UNC5D: variants seen among roughly 807,000 people sequenced by gnomAD.
UNC5D encodes the protein netrin receptor UNC5D.
UNC5D carries 39 observed loss-of-function variants against 105.4 expected under a neutral mutation model. The ratio of observed to expected loss-of-function variants is 0.37; its 90% confidence interval spans 0.29 to 0.48. The LOEUF is 0.48. Ranked by LOEUF, UNC5D falls within the 20% of genes least tolerant of loss-of-function variation. The pLI is 0.98. For missense variants in UNC5D, 991 were observed against 1,202.4 expected (o/e 0.82, Z 2.60); for synonymous variants, 452 against 450.4 (o/e 1.00, Z -0.04).
intron 1 of UNC5D, among the ~76,000 whole-genome samples, chr8:35,391,882 G>A (rs978838414): frequency 6.6e-6 from 1 of 152,128 alleles, no homozygotes; most frequent in Non-Finnish European, 1.5e-5. Flanking sequence ...GTAACCTATT[G>A]TACTTGGTTT....
chr8:35,440,444 T>G (rs1257149545), intron 1 of UNC5D, among the ~76,000 whole-genome samples: 1 of 152,102 alleles, frequency 6.6e-6, no homozygotes, highest in African/African-American at 2.4e-5. Flanking sequence ...TAAGCTTTTT[T>G]GTTCTCTGTT....
chr8:35,608,760 A>T (rs549164599), intron 4 of UNC5D, among the ~76,000 whole-genome samples: 3 of 151,986 alleles, frequency 2.0e-5, no homozygotes, highest in Admixed American at 6.6e-5. Context: ...CATGATTTCA[A>T]TTTTTATAGC....
intron 11 of UNC5D, among the ~76,000 whole-genome samples, chr8:35,742,471 C>A (rs924536054): frequency 6.6e-6 from 1 of 152,110 alleles, no homozygotes; most frequent in African/African-American, 2.4e-5. Context: ...TATGTATCGA[C>A]CCAGGGTCTG....
Position 35,472,756 on chromosome 8 carries a change from T to G in UNC5D, c.104-76536T>G, listed in dbSNP as rs541453834. 2.6e-5 allele frequency among the ~76,000 whole-genome samples: 4 copies of G among 152,264 alleles called. No individual in the cohort carries two copies. The East Asian group carries it at 7.7e-4, about 29-fold the overall frequency. On this transcript the variant is annotated intron_variant, in intron 1 of 16. Coordinates refer to ENST00000404895, the MANE Select transcript of UNC5D (RefSeq NM_080872.4). The stretch of plus-strand genomic sequence containing the variant: ...GAGTTACTTAAAACCATAGAAGTAT[T>G]TAGTTGCCAGGATGAATAAAGAATG...
At chr8:35,404,704 C>T (rs925602767) in intron 1 of UNC5D, among the ~76,000 whole-genome samples, 26 of 152,248 alleles carry the variant, frequency 1.7e-4, no homozygotes, top group African/African-American at 6.0e-4. Flanking sequence ...TCTCCTGCCT[C>T]AGCCTCCCGA....
rs1802998222 is a variant in UNC5D, at chr8:35,790,665, C to T, written c.*102C>T. The T allele has an allele frequency of 7.7e-7, 1 of 1,306,234 alleles. No individual in the cohort carries two copies. Among genetic ancestry groups the T allele is most frequent in the East Asian group, 2.4e-5 (1 of 41,178 alleles). 80.9% of individuals were successfully genotyped at this position (1,306,234 alleles called of 1,614,324 possible). A position where few individuals can be genotyped will look rare whatever the true frequency, so the allele number is the denominator to read the frequency against. On this transcript the variant is annotated 3_prime_UTR_variant, in exon 17 of 17. Transcript: ENST00000404895. ...CCCAGTGGCGTTGGGGGAATTCAGC[C>T]TTCATTTATAATCAGTGAGATTCCC...
intron 1 of UNC5D, among the ~76,000 whole-genome samples, chr8:35,393,790 A>C (rs1438539025): frequency 6.6e-6 from 1 of 152,212 alleles, no homozygotes; most frequent in Non-Finnish European, 1.5e-5. Flanking sequence ...GCCATAGAAG[A>C]TATGTGGCTC....
At chr8:35,568,416 C>T (rs1817504144) in intron 3 of UNC5D, among the ~76,000 whole-genome samples, 175 bp downstream of exon 3, 1 of 152,246 alleles carries the variant, frequency 6.6e-6, no homozygotes. Context: ...AGGCGTGGCA[C>T]AGTGGCTCAC....
intron 1 of UNC5D, among the ~76,000 whole-genome samples, chr8:35,442,892 TCTCTCTCTCTCTCACA>T (rs1312236081): frequency 1.5e-5 from 2 of 132,894 alleles, no homozygotes; most frequent in African/African-American, 6.4e-5. Flanking sequence ...TGTTTCTCTC[TCTCTCTCTCTCTCACA>T]CACACACACA....
intron 11 of UNC5D, among the ~76,000 whole-genome samples, chr8:35,744,251 G>T (rs1477978454): frequency 6.6e-6 from 1 of 152,144 alleles, no homozygotes; most frequent in Non-Finnish European, 1.5e-5. Flanking sequence ...TATATTCTGT[G>T]GATCCATCCC....
intron 3 of UNC5D, among the ~76,000 whole-genome samples, chr8:35,591,308 A>C (rs1347710649): frequency 6.6e-6 from 1 of 152,136 alleles, no homozygotes; most frequent in Non-Finnish European, 1.5e-5. Context: ...CTGATACATA[A>C]AAAATATAGG....
chr8:35,743,107 A>T (rs1214019599), intron 11 of UNC5D, among the ~76,000 whole-genome samples: 1 of 152,190 alleles, frequency 6.6e-6, no homozygotes, highest in East Asian at 1.9e-4. Context: ...TAGACAGGTC[A>T]TCAAGACAGA....
intron 1 of UNC5D, among the ~76,000 whole-genome samples, chr8:35,462,238 T>C (rs1412225825): frequency 6.6e-6 from 1 of 152,148 alleles, no homozygotes; most frequent in African/African-American, 2.4e-5. Context: ...TTTAACAACC[T>C]AGTTAATTAA....
chr8:35,362,512 T>C (rs1006269068), intron 1 of UNC5D, among the ~76,000 whole-genome samples: 1 of 152,170 alleles, frequency 6.6e-6, no homozygotes, highest in Non-Finnish European at 1.5e-5. Context: ...CTAACTTTAA[T>C]GCAGTGAGCC....
intron 7 of UNC5D, among the ~76,000 whole-genome samples, chr8:35,702,082 T>C (rs1827243092): frequency 6.6e-6 from 1 of 152,114 alleles, no homozygotes; most frequent in African/African-American, 2.4e-5. Context: ...TGAGTTATAA[T>C]AATTTATCAT....
intron 1 of UNC5D, among the ~76,000 whole-genome samples, chr8:35,498,084 C>CAAAAAAAAAAAAAAAAAAAAAAAAAA (rs58175711): frequency 1.7e-5 from 1 of 58,150 alleles, no homozygotes; most frequent in Non-Finnish European, 4.7e-5. Context: ...CAAAACAAAA[C>CAAAAAAAAAAAAAAAAAAAAAAAAAA]AAAAAAAAAA....
intron 2 of UNC5D, among the ~76,000 whole-genome samples, chr8:35,556,030 A>T (rs1422414770): frequency 6.6e-6 from 1 of 151,936 alleles, no homozygotes. Context: ...TTTCAGGTGG[A>T]TGTGGAATTG....
chr8:35,657,163 G>C (rs1823831655), intron 4 of UNC5D, among the ~76,000 whole-genome samples: 1 of 133,690 alleles, frequency 7.5e-6, no homozygotes, highest in African/African-American at 2.8e-5. Flanking sequence ...CAGAGTCCTG[G>C]CTAAAAGTTT....
intron 4 of UNC5D, among the ~76,000 whole-genome samples, chr8:35,633,806 T>C (rs1822193898): frequency 6.6e-6 from 1 of 152,086 alleles, no homozygotes; most frequent in Admixed American, 6.6e-5. Context: ...TACAAACTTC[T>C]AGGATCGTGG....
Sources: gnomAD v4.1 joint callset for allele counts (sites outside exome capture counted in the v4.1 genomes callset) on GRCh38, gnomAD v4.1.1 for gene constraint, MANE v1.5 for transcripts, NCBI Gene and HGNC (gene_info 2026-07-23, HGNC 2026-07-21) for gene names.